Variants in DSCAML1 observed in about 807,000 individuals in gnomAD.
The protein encoded by DSCAML1 is DS cell adhesion molecule like 1.
In DSCAML1, 38 loss-of-function variants were observed where a neutral mutation model predicts 200.5. The ratio of observed to expected loss-of-function variants is 0.19; its 90% CI spans 0.15 to 0.25. DSCAML1 has a LOEUF of 0.25. Ranked by LOEUF, DSCAML1 falls within the 10% of genes least tolerant of loss-of-function variation. DSCAML1 has a pLI of 1.00. For synonymous variants in DSCAML1, 1,215 were observed against 1,165.0 expected, an observed-to-expected ratio of 1.04 and a Z score of -0.87; for missense variants, 2,223 against 2,858.8, an observed-to-expected ratio of 0.78 and a Z score of 5.07.
chr11:117,689,617 A>G (rs111591647), intron 3 of DSCAML1, among the ~76,000 whole-genome samples: 159 of 152,178 alleles, frequency 1.0e-3, no homozygotes, highest in African/African-American at 3.6e-3. Context: ...GGTGAAGGAG[A>G]TGATCACTCA....
chr11:117,582,779 C>T (rs918753283), intron 3 of DSCAML1, among the ~76,000 whole-genome samples: 50 of 152,244 alleles, frequency 3.3e-4, no homozygotes, highest in African/African-American at 1.1e-3. Context: ...GTGGTGTCTG[C>T]GTAGGGATAT....
At chr11:117,675,673 T>C (rs921331319) in intron 3 of DSCAML1, among the ~76,000 whole-genome samples, 1 of 151,646 alleles carries the variant, frequency 6.6e-6, no homozygotes, top group Admixed American at 6.6e-5. Flanking sequence ...GGCTGCGTGG[T>C]TGGTTTTCTA....
chr11:117,623,256 C>G (rs1244224610), intron 3 of DSCAML1, among the ~76,000 whole-genome samples: 1 of 134,124 alleles, frequency 7.5e-6, no homozygotes, highest in African/African-American at 2.8e-5. Context: ...TGCTCTGTCA[C>G]TCAGGCTGGG....
Position 117,469,861 on chromosome 11 carries a change from G to A in DSCAML1, c.3024+49C>T, listed in dbSNP as rs140631583. Reference sequence around the variant, plus strand: ...GGGAGCTTTCGTCCTGGATTGAGGAGAGAGGAGGCAAGCAGACATTCCAGG... The same window carrying A: ...GGGAGCTTTCGTCCTGGATTGAGGAAAGAGGAGGCAAGCAGACATTCCAGG... On this transcript the variant is annotated intron_variant, in intron 16 of 32. Coordinates refer to ENST00000651296, the MANE Select transcript of DSCAML1 (RefSeq NM_020693.4). The surrounding 1 kb of genome is among the most constrained non-coding windows in gnomAD (Gnocchi z 4.1). 399 of 1,534,444 alleles carry A rather than the reference G, an allele frequency of 2.6e-4. 4 individuals are homozygous for A. The East Asian group carries it at 7.4e-3, about 28-fold the overall frequency.
chr11:117,695,309 C>CTTTTTTTT (rs1220241169), intron 3 of DSCAML1, among the ~76,000 whole-genome samples: 7 of 122,638 alleles, frequency 5.7e-5, no homozygotes, highest in African/African-American at 2.3e-4. Flanking sequence ...TTCTTTCTTT[C>CTTTTTTTT]TTTTTCTTTT....
rs79943200 is a variant in DSCAML1 at position 117,475,205 on chromosome 11, A to G, written c.2786-3169T>C. 9.6e-3 allele frequency among the ~76,000 whole-genome samples: 1,467 copies of G among 152,148 alleles called. 21 individuals carry two copies. Among genetic ancestry groups the G allele is most frequent in the African/African-American group, 0.033 (1,359 of 41,494 alleles). ...CCTGTTTCTTTCATCTGTTCTCTAC[A>G]CTGCGGCCATTGTCCACTCTACAAA... is the stretch of plus-strand genomic sequence containing the variant. On this transcript the variant is annotated intron_variant, in intron 14 of 32. Transcript: ENST00000651296.
chr11:117,446,393 A>G (rs1244647758), intron 20 of DSCAML1, among the ~76,000 whole-genome samples: 2 of 152,022 alleles, frequency 1.3e-5, no homozygotes, highest in Non-Finnish European at 2.9e-5. Flanking sequence ...AAAACAAAAA[A>G]CCAGAATCAA....
chr11:117,453,411 G>C (rs895951833), intron 19 of DSCAML1, among the ~76,000 whole-genome samples: 3 of 152,060 alleles, frequency 2.0e-5, no homozygotes, highest in African/African-American at 7.2e-5. Context: ...ATATCCTCTG[G>C]TATTTCTCTA....
At chr11:117,769,246 ATGTATATATTATATATTTTATATAT>A (rs2054967199) in intron 3 of DSCAML1, among the ~76,000 whole-genome samples, 6 of 3,298 alleles carry the variant, frequency 1.8e-3, no homozygotes, top group East Asian at 0.056. Flanking sequence ...TATTTTATAT[ATGTATATATTATATATTTTATATAT>A]TTATATATTA....
chr11:117,775,349 A>T (rs2055111394), intron 3 of DSCAML1, among the ~76,000 whole-genome samples: 1 of 152,130 alleles, frequency 6.6e-6, no homozygotes, highest in Non-Finnish European at 1.5e-5. Context: ...CACCATCCTC[A>T]TCCCTGGCAT....
chr11:117,478,010 T>C (rs2048832410), intron 14 of DSCAML1, among the ~76,000 whole-genome samples: 1 of 152,368 alleles, frequency 6.6e-6, no homozygotes, highest in East Asian at 1.9e-4. Flanking sequence ...CCACCCATCC[T>C]GGCATTCCTA....
Position 117,780,277 on chromosome 11 carries a change from AAAG to A in DSCAML1, c.364+213_364+215del, listed in dbSNP as rs1459675467. 1.1e-4 allele frequency among the ~76,000 whole-genome samples: 11 copies of A among 96,438 alleles called. No homozygotes were observed. The highest frequency in any genetic ancestry group is 3.6e-4 in the African/African-American group (11 of 30,852). 63.3% of individuals were successfully genotyped at this position (96,438 alleles called of 152,430 possible). The stretch of plus-strand genomic sequence containing the variant: ...GAAAGAAAGAAAGAAAGAAAGAAAG[AAAG>A]AAAGAAAGAAAGAAAGAAAGAAAGA... On this transcript the variant is annotated intron_variant, in intron 2 of 32. Transcript: ENST00000651296. This position sits in a 1 kb window ranked among gnomAD's most constrained non-coding sequence, Gnocchi z 4.8.
chr11:117,625,671 C>T (rs960933077), intron 3 of DSCAML1, among the ~76,000 whole-genome samples: 2 of 152,166 alleles, frequency 1.3e-5, no homozygotes, highest in African/African-American at 2.4e-5. Flanking sequence ...CTCCTGCAGG[C>T]GTCTCCATGG....
chr11:117,579,581 ACT>A (rs2051006755), intron 3 of DSCAML1, among the ~76,000 whole-genome samples: 1 of 152,062 alleles, frequency 6.6e-6, no homozygotes, highest in Non-Finnish European at 1.5e-5. Context: ...GATATTGAGC[ACT>A]CTCTTTCAGT....
intron 3 of DSCAML1, among the ~76,000 whole-genome samples, chr11:117,533,010 C>T (rs1403519697): frequency 6.6e-6 from 1 of 151,652 alleles, no homozygotes; most frequent in Admixed American, 6.6e-5. Context: ...TTTGGTAGGG[C>T]ACGCCGGTAG....
At position 117,532,460 on chromosome 11, in the gene DSCAML1, C is replaced by T. The variant is rs142110596; in HGVS notation, c.574G>A (p.Ala192Thr). Residue 192 changes from alanine (A) to threonine (T), a missense_variant, in exon 4 of 33, where the codon GCC becomes ACC. Around this residue, in one of 7 missense-constraint regions of DSCAML1, gnomAD observed 579 missense variants for 721.5 expected, o/e 0.80. Coordinates refer to ENST00000651296, the MANE Select transcript of DSCAML1 (RefSeq NM_020693.4). ...GTGATGCAGCGATAGGTGGAGAGGG[C>T]GTCCTCCTTCTGTACGTCAGAGATG... ...LYISDVQKED[A>T]LSTYRCITKH... 71 of 1,614,014 alleles carry T rather than the reference C, an allele frequency of 4.4e-5. No homozygotes were observed. Among genetic ancestry groups the T allele is most frequent in the Non-Finnish European group, 5.7e-5 (67 of 1,180,028 alleles).
At chr11:117,694,173 T>C (rs1009655361) in intron 3 of DSCAML1, among the ~76,000 whole-genome samples, 1 of 150,852 alleles carries the variant, frequency 6.6e-6, no homozygotes, top group South Asian at 2.1e-4. Context: ...GAGGCTGAGG[T>C]GGATGGATCA....
At chr11:117,682,452 C>A (rs922738762) in intron 3 of DSCAML1, among the ~76,000 whole-genome samples, 2 of 152,326 alleles carry the variant, frequency 1.3e-5, no homozygotes, top group East Asian at 3.9e-4. Flanking sequence ...ATCCTTCTTC[C>A]AGATGCCACC....
chr11:117,791,448 T>C (rs1490567537), intron 1 of DSCAML1, among the ~76,000 whole-genome samples: 3 of 152,270 alleles, frequency 2.0e-5, no homozygotes, highest in Non-Finnish European at 2.9e-5. Context: ...TAGTTCTTAC[T>C]CTGGCCAACC....
Sources: gnomAD v4.1 joint callset for allele counts (sites outside exome capture counted in the v4.1 genomes callset) on GRCh38, gnomAD v4.1.1 for gene constraint, gnomAD v4.1.1 regional missense constraint, Gnocchi (gnomAD v3.1) non-coding constraint, MANE v1.5 for transcripts, NCBI Gene and HGNC (gene_info 2026-07-23, HGNC 2026-07-21) for gene names.